The following MFSD11 variants were observed in gnomAD, a reference collection of about 807,000 sequenced individuals.
MFSD11 encodes UNC93-like protein MFSD11.
MFSD11 carries 36 observed loss-of-function variants against 53.5 expected under a neutral mutation model. The observed-to-expected ratio is 0.67, with a 90% CI of 0.52 to 0.89. The LOEUF (loss-of-function observed/expected upper bound fraction) is 0.89, where lower values mean the gene tolerates loss of function less well. Ranked by LOEUF, MFSD11 falls within the 40% of genes least tolerant of loss-of-function variation. The pLI, the probability that MFSD11 is intolerant of heterozygous loss-of-function variation, is 0.00. For synonymous variants in MFSD11, 186 were observed against 184.9 expected, an observed-to-expected ratio of 1.01 and a Z score of -0.05; for missense variants, 530 against 543.9, an observed-to-expected ratio of 0.97 and a Z score of 0.25.
At chr17:76,767,238 C>G in intron 8 of MFSD11, 148 bp from the exon 9 acceptor site, 1 of 572,944 alleles carries the variant, frequency 1.7e-6, no homozygotes, top group Non-Finnish European at 3.1e-6. Flanking sequence ...GTAGTTCATG[C>G]CTTAAGCATT....
intron 7 of MFSD11, among the ~76,000 whole-genome samples, chr17:76,750,401 C>T (rs537449711): frequency 7.1e-6 from 1 of 139,978 alleles, no homozygotes; most frequent in African/African-American, 2.7e-5. Flanking sequence ...CAGAGTCTCA[C>T]TCTGTCGCCC....
At chr17:76,740,329 C>A (rs1334508145) in intron 2 of MFSD11, among the ~76,000 whole-genome samples, 1 of 152,048 alleles carries the variant, frequency 6.6e-6, no homozygotes, top group Non-Finnish European at 1.5e-5. Context: ...TCGTACAAGA[C>A]ATATGTACTA....
chr17:76,770,036 T>C (rs1340771773), intron 10 of MFSD11, among the ~76,000 whole-genome samples, 165 bp downstream of exon 10: 2 of 147,716 alleles, frequency 1.4e-5, no homozygotes, highest in East Asian at 2.2e-4. Flanking sequence ...TTTTTCTTTT[T>C]TTTTTTTTTT....
chr17:76,753,408 C>T (rs1045905546), intron 7 of MFSD11, among the ~76,000 whole-genome samples: 3 of 152,096 alleles, frequency 2.0e-5, no homozygotes, highest in Admixed American at 6.6e-5. Flanking sequence ...TGTGGTGGCT[C>T]ATGCCTGGAA....
intron 2 of MFSD11, among the ~76,000 whole-genome samples, chr17:76,739,762 C>G (rs1373992687): frequency 6.6e-6 from 1 of 152,166 alleles, no homozygotes; most frequent in Non-Finnish European, 1.5e-5. Context: ...TTCTTTTTCC[C>G]TATCCTAAGC....
chr17:76,778,148 C>G (rs767667310), intron 12 of MFSD11, 40 bp from the exon 13 acceptor site: 2 of 1,611,290 alleles, frequency 1.2e-6, no homozygotes, highest in Admixed American at 3.3e-5. Flanking sequence ...TCAGTGTGGC[C>G]CCCGGTGCGC....
intron 7 of MFSD11, among the ~76,000 whole-genome samples, chr17:76,752,253 G>A (rs2079114754): frequency 6.6e-6 from 1 of 152,084 alleles, no homozygotes; most frequent in Non-Finnish European, 1.5e-5. Flanking sequence ...GGCATAGGAT[G>A]TACAATGATC....
At chr17:76,797,426 C>T in the MFSD11 span, among the ~76,000 whole-genome samples, 23 of 152,198 alleles carry the variant, frequency 1.5e-4, no homozygotes, top group Middle Eastern at 3.4e-3. Context: ...TAAACTGTCA[C>T]GGCTCTAGTG....
chr17:76,786,307 G>C (rs1417532885), downstream of MFSD11, among the ~76,000 whole-genome samples: 2 of 151,816 alleles, frequency 1.3e-5, no homozygotes, highest in African/African-American at 4.8e-5. Context: ...ACCATGCCCT[G>C]CTAATTTTTG....
chr17:76,758,322 G>A (rs2079851192), intron 8 of MFSD11, among the ~76,000 whole-genome samples: 1 of 151,982 alleles, frequency 6.6e-6, no homozygotes, highest in Admixed American at 6.6e-5. Flanking sequence ...GTTCATGCCT[G>A]TAATACCAGC....
intron 4 of MFSD11, 28 bp from the exon 5 acceptor site, chr17:76,742,149 C>G: frequency 6.2e-7 from 1 of 1,613,774 alleles, no homozygotes; most frequent in Non-Finnish European, 8.5e-7. Context: ...ATTTCTTTCC[C>G]TTGATAAACT....
chr17:76,781,225 A>T (rs1276578208), downstream of MFSD11: 1 of 152,216 alleles, frequency 6.6e-6, no homozygotes, highest in Non-Finnish European at 1.5e-5. Context: ...CAGGCTAAGT[A>T]AGGATCTTGG....
At chr17:76,788,829 C>T in the MFSD11 span, among the ~76,000 whole-genome samples, 13 of 148,388 alleles carry the variant, frequency 8.8e-5, no homozygotes, top group South Asian at 6.7e-4. Flanking sequence ...GACGAGACTC[C>T]GTCTCAATCA....
At chr17:76,798,123 A>C in the MFSD11 span, among the ~76,000 whole-genome samples, 1 of 151,824 alleles carries the variant, frequency 6.6e-6, no homozygotes, top group Admixed American at 6.6e-5. Flanking sequence ...CCCACGCTCA[A>C]GCAATCCTCC....
chr17:76,799,071 C>G, the MFSD11 span: 1 of 150,232 alleles, frequency 6.7e-6, no homozygotes, highest in Non-Finnish European at 1.5e-5. Flanking sequence ...GCAATAGATT[C>G]AGAATCATAA....
At chr17:76,768,343 G>T (rs1490281481) in intron 9 of MFSD11, among the ~76,000 whole-genome samples, 1 of 149,224 alleles carries the variant, frequency 6.7e-6, no homozygotes, top group Non-Finnish European at 1.5e-5. Flanking sequence ...TAATGAAATA[G>T]AAGCATGTCA....
intron 7 of MFSD11, chr17:76,747,944 G>T: frequency 6.6e-6 from 1 of 152,296 alleles, no homozygotes. Flanking sequence ...ACAGACTTGT[G>T]GCAGCCCTCT....
chr17:76,774,669 T>C (rs1236608320), intron 10 of MFSD11, among the ~76,000 whole-genome samples: 3 of 152,204 alleles, frequency 2.0e-5, no homozygotes, highest in Non-Finnish European at 4.4e-5. Context: ...AACAAAAACG[T>C]GGTCATAATG....
At chr17:76,750,764 G>C (rs1189579320) in intron 7 of MFSD11, among the ~76,000 whole-genome samples, 1 of 151,196 alleles carries the variant, frequency 6.6e-6, no homozygotes, top group Non-Finnish European at 1.5e-5. Flanking sequence ...ATGCCATTTA[G>C]AGATATAGGA....
Sources: allele counts gnomAD v4.1 joint callset (sites outside exome capture counted in the v4.1 genomes callset), GRCh38; gene constraint gnomAD v4.1.1; transcripts MANE v1.5; gene names NCBI Gene and HGNC (gene_info 2026-07-23, HGNC 2026-07-21).